GRHL3: variants seen among roughly 807,000 people sequenced by gnomAD.
GRHL3 encodes the protein grainyhead like transcription factor 3.
In GRHL3, 20 loss-of-function variants were observed where a neutral mutation model predicts 70.3. That is an observed-to-expected ratio of 0.28 (90% CI 0.20 to 0.41). The LOEUF is 0.41. Ranked by LOEUF, GRHL3 falls within the 10% of genes least tolerant of loss-of-function variation. The probability of loss-of-function intolerance (pLI) is 1.00; values close to 1 mark genes in which losing one functional copy is unlikely to be tolerated. For missense variants in GRHL3, 637 were observed against 762.3 expected (o/e 0.84, Z 1.94); for synonymous variants, 299 against 299.9 (o/e 1.00, Z 0.03).
intron 15 of GRHL3, among the ~76,000 whole-genome samples, chr1:24,350,619 A>G (rs1640465758): frequency 6.6e-6 from 1 of 152,248 alleles, no homozygotes; most frequent in Non-Finnish European, 1.5e-5. Flanking sequence ...AGTGGATCAA[A>G]GGCATGAGGC....
intron 14 of GRHL3, 57 bp from the exon 15 acceptor site, chr1:24,350,001 A>G: frequency 7.5e-7 from 1 of 1,338,722 alleles, no homozygotes; most frequent in Non-Finnish European, 1.1e-6. Flanking sequence ...GGCATAAAAG[A>G]CTTGTATAAA....
downstream of GRHL3, chr1:24,358,572 CGTT>C: frequency 1.2e-6 from 2 of 1,614,100 alleles, no homozygotes; most frequent in Non-Finnish European, 1.7e-6. Flanking sequence ...TTCTTGTCCT[CGTT>C]GTAGAGGAAG....
At chr1:24,341,479 T>A (rs1462425724) in intron 8 of GRHL3, among the ~76,000 whole-genome samples, 1 of 152,124 alleles carries the variant, frequency 6.6e-6, no homozygotes, top group Non-Finnish European at 1.5e-5. Flanking sequence ...CACGCCTGAC[T>A]CCCTAGGGGA....
chr1:24,319,641 A>T, intron 1 of GRHL3, 73 bp downstream of exon 1: 2 of 1,612,192 alleles, frequency 1.2e-6, no homozygotes, highest in Non-Finnish European at 1.7e-6. Context: ...GAGGGGGAAG[A>T]GCGGGGAGGC....
chr1:24,336,358 T>C (rs1569879727), intron 3 of GRHL3, 124 bp from the exon 4 acceptor site: 1 of 648,412 alleles, frequency 1.5e-6, no homozygotes, highest in Admixed American at 3.0e-5. Flanking sequence ...ATTTCGTGCA[T>C]GCTGGATGGA....
At chr1:24,327,387 C>G (rs941998754) in intron 1 of GRHL3, among the ~76,000 whole-genome samples, 2 of 152,190 alleles carry the variant, frequency 1.3e-5, no homozygotes, top group African/African-American at 4.8e-5. Context: ...AGAAGAGTCC[C>G]TGACTGGCAC....
Position 24,336,498 on chromosome 1 carries a change from G to C in GRHL3, c.283G>C (p.Glu95Gln). The change falls in exon 4 of 16, where the codon GAA (glutamate) becomes CAA (glutamine). Residue 95 changes from glutamate (E) to glutamine (Q), a missense_variant. Physicochemically the swap from Glu to Gln is conservative, Grantham distance 29. Coordinates refer to ENST00000361548, the MANE Select transcript of GRHL3 (RefSeq NM_198173.3). The stretch of plus-strand genomic sequence containing the variant: ...TCTCCCCAGGTACTACCATGGCATG[G>C]AATATGAGACGGACCTCACTCCCCT... ...DQGKRYYHGM[E>Q]YETDLTPLES... The C allele has an allele frequency of 6.3e-7, 1 of 1,583,960 alleles. No homozygotes were observed.
At chr1:24,364,151 G>C in intron 15 of GRHL3, 1 of 1,474,070 alleles carries the variant, frequency 6.8e-7, no homozygotes, top group South Asian at 1.4e-5. Flanking sequence ...CTGCAAACTC[G>C]AATTCAATTC....
Position 24,351,473 on chromosome 1 carries a change from G to A in GRHL3, c.1694+1351G>A, listed in dbSNP as rs58550796. On this transcript the variant is annotated intron_variant, in intron 15 of 15. Coordinates refer to ENST00000361548, the MANE Select transcript of GRHL3 (RefSeq NM_198173.3). ...CGTGTGTCTTTTTTTTCCAAGTTTC[G>A]GTTTCCATCTGAGTCTCACATGCTC... is the stretch of plus-strand genomic sequence containing the variant. Among the ~76,000 whole-genome samples the A allele has an allele frequency of 4.7e-3, 710 of 151,972 alleles. 3 individuals are homozygous for A. The highest frequency in any genetic ancestry group is 0.016 in the African/African-American group (677 of 41,422).
chr1:24,360,272 C>T (rs1232700412), downstream of GRHL3, among the ~76,000 whole-genome samples: 1 of 152,126 alleles, frequency 6.6e-6, no homozygotes, highest in Non-Finnish European at 1.5e-5. Context: ...TAGCGAACCC[C>T]TGTCTGTCTC....
Position 24,343,667 on chromosome 1 carries a change from C to A in GRHL3, c.1419+642C>A, listed in dbSNP as rs182369036. On this transcript the variant is annotated intron_variant, in intron 11 of 15. Coordinates refer to ENST00000361548, the MANE Select transcript of GRHL3 (RefSeq NM_198173.3). ...GTCCTCCGAGAGACTGCACCTACCC[C>A]CTTTTCCAGGCACGGTCCCACAACA... Among the ~76,000 whole-genome samples the A allele has an allele frequency of 3.3e-5, 5 of 152,268 alleles. No individual in the cohort carries two copies. In the East Asian group the frequency reaches 9.6e-4, roughly 29 times the overall value.
chr1:24,351,452 T>C (rs1050314386), intron 15 of GRHL3, among the ~76,000 whole-genome samples: 1 of 151,948 alleles, frequency 6.6e-6, no homozygotes, highest in African/African-American at 2.4e-5. Flanking sequence ...GTTTTTCGTG[T>C]GTCTTTTTTT....
intron 15 of GRHL3, among the ~76,000 whole-genome samples, chr1:24,361,867 A>G (rs1191856536): frequency 2.0e-5 from 3 of 152,182 alleles, no homozygotes; most frequent in African/African-American, 7.2e-5. Context: ...GGGGTTGGAC[A>G]AGATGACCTC....
chr1:24,355,898 C>CTTTT (rs59310312), downstream of GRHL3, among the ~76,000 whole-genome samples: 3 of 144,716 alleles, frequency 2.1e-5, no homozygotes, highest in South Asian at 2.2e-4. Flanking sequence ...TTTCATTTAT[C>CTTTT]TTTTTTTTTT....
In GRHL3 at chr1:24,347,600, C is replaced by G. The variant is rs1225114067; in HGVS notation, c.1629+47C>G. 4 of 1,395,068 alleles carry G rather than the reference C, an allele frequency of 2.9e-6. No homozygotes were observed. The African/African-American group carries it at 4.2e-5, about 15-fold the overall frequency. 86.4% of individuals were successfully genotyped at this position (1,395,068 alleles called of 1,614,324 possible). On this transcript the variant is annotated intron_variant, in intron 14 of 15. Transcript: ENST00000361548. Reference sequence around the variant, plus strand: ...CCCCCCATGGCAGACCCCCTCTAGGCTCCTGTCCCCACTCCTCACCACGCA... The same window carrying G: ...CCCCCCATGGCAGACCCCCTCTAGGGTCCTGTCCCCACTCCTCACCACGCA...
chr1:24,328,849 G>A (rs1357887999), intron 1 of GRHL3, among the ~76,000 whole-genome samples: 3 of 152,196 alleles, frequency 2.0e-5, no homozygotes, highest in Non-Finnish European at 4.4e-5. Flanking sequence ...TATTAGACTC[G>A]TTTACAAATG....
rs772849599 is a variant in GRHL3, at chr1:24,331,510, G to T, written c.102G>T (p.Thr34=). ...SYTSEDEAWK[T]YLENPLTAAT... Reference sequence around the variant, plus strand: ...CTAGTGAGGATGAGGCCTGGAAGACGTACCTAGAAAACCCGTTGACAGCTG... The same window carrying T: ...CTAGTGAGGATGAGGCCTGGAAGACTTACCTAGAAAACCCGTTGACAGCTG... Residue 34 remains threonine (T), a synonymous_variant, in exon 2 of 16, where the codon ACG becomes ACT. Transcript: ENST00000361548. 1.2e-6 allele frequency: 2 copies of T among 1,614,096 alleles called. No individual in the cohort carries two copies. Among genetic ancestry groups the T allele is most frequent in the East Asian group, 2.2e-5 (1 of 44,882 alleles).
intron 1 of GRHL3, among the ~76,000 whole-genome samples, chr1:24,329,601 C>T (rs1639526703): frequency 6.6e-6 from 1 of 152,222 alleles, no homozygotes; most frequent in Non-Finnish European, 1.5e-5. Context: ...GACTCAGGTT[C>T]CTTTATCTTA....
At chr1:24,336,956 C>A in intron 4 of GRHL3, 122 bp from the exon 5 acceptor site, 1 of 1,214,110 alleles carries the variant, frequency 8.2e-7, no homozygotes, top group Non-Finnish European at 1.2e-6. Context: ...GACGGGATTG[C>A]CATGTACTAT....
Sources: gnomAD v4.1 joint callset for allele counts (sites outside exome capture counted in the v4.1 genomes callset) on GRCh38, gnomAD v4.1.1 for gene constraint, MANE v1.5 for transcripts, NCBI Gene and HGNC (gene_info 2026-07-23, HGNC 2026-07-21) for gene names.